KIF5C: variants seen among roughly 807,000 people sequenced by gnomAD.
The protein encoded by KIF5C is kinesin heavy chain isoform 5C.
Under a neutral mutation model 125.2 loss-of-function variants are expected in KIF5C, and 18 were observed. The ratio of observed to expected loss-of-function variants is 0.14; its 90% CI spans 0.10 to 0.21. KIF5C has a LOEUF of 0.21. KIF5C is among the 10% of genes least tolerant of loss of function. The pLI is 1.00. For missense variants in KIF5C, 780 were observed against 1,183.8 expected (o/e 0.66, Z 5.01); for synonymous variants, 405 against 434.0 (o/e 0.93, Z 0.83).
chr2:148,941,440 G>A (rs543029720), intron 4 of KIF5C, among the ~76,000 whole-genome samples, 170 bp from the exon 5 acceptor site: 2 of 152,260 alleles, frequency 1.3e-5, no homozygotes, highest in Admixed American at 1.3e-4. Context: ...TAGAGCAAGC[G>A]GGAAGTAGGG....
At chr2:148,910,209 A>G (rs1681277280) in intron 1 of KIF5C, among the ~76,000 whole-genome samples, 1 of 152,272 alleles carries the variant, frequency 6.6e-6, no homozygotes, top group Non-Finnish European at 1.5e-5. Context: ...AGGGTAAGAT[A>G]AGTTATAATG....
intron 11 of KIF5C, among the ~76,000 whole-genome samples, chr2:148,969,030 T>A (rs1680823178): frequency 6.6e-6 from 1 of 152,236 alleles, no homozygotes. Flanking sequence ...TTCTGTGTTC[T>A]CCTGAGGCTT....
chr2:148,892,706 A>G (rs778618076), intron 1 of KIF5C, among the ~76,000 whole-genome samples: 10 of 152,226 alleles, frequency 6.6e-5, no homozygotes, highest in Non-Finnish European at 1.2e-4. Context: ...ATTAATCCAC[A>G]TGGACCTGTC....
At chr2:148,900,123 A>AT (rs201793366) in intron 1 of KIF5C, among the ~76,000 whole-genome samples, 1,934 of 151,868 alleles carry the variant, frequency 0.013, 35 homozygotes, top group African/African-American at 0.043. Flanking sequence ...TGATTTTGTG[A>AT]TTTTTTTTCC....
intron 1 of KIF5C, among the ~76,000 whole-genome samples, chr2:148,892,797 T>C (rs1276250186): frequency 1.3e-5 from 2 of 152,196 alleles, no homozygotes; most frequent in African/African-American, 4.8e-5. Context: ...AATGGAGAGA[T>C]TTATGTCTGC....
chr2:148,992,802 T>C (rs1345968007), intron 16 of KIF5C, among the ~76,000 whole-genome samples: 1 of 152,248 alleles, frequency 6.6e-6, no homozygotes, highest in African/African-American at 2.4e-5. Flanking sequence ...TTGTTATTTA[T>C]AAAAAATTAA....
rs921835053 is a variant in KIF5C at position 148,994,616 on chromosome 2, T to C, written c.2023+78T>C. 3 of 1,481,844 alleles carry C rather than the reference T, an allele frequency of 2.0e-6. No individual in the cohort carries two copies. In the African/African-American group the frequency reaches 4.3e-5, roughly 21 times the overall value. The allele number at this position is 1,481,844 out of a possible 1,614,324, so 91.8% of individuals were successfully genotyped here. A position where few individuals can be genotyped will look rare whatever the true frequency, so the allele number is the denominator to read the frequency against. ...CCTCTGGTTGGCTGGAATCATGATG[T>C]TTAGTTTCGTTCAGTTAAAGCATTT... On this transcript the variant is annotated intron_variant, in intron 17 of 25. Coordinates refer to ENST00000435030, the MANE Select transcript of KIF5C (RefSeq NM_004522.3).
intron 19 of KIF5C, among the ~76,000 whole-genome samples, chr2:148,999,742 C>G (rs1390280912): frequency 6.6e-6 from 1 of 152,230 alleles, no homozygotes; most frequent in East Asian, 1.9e-4. Context: ...GGGAAGCTTC[C>G]CTGGCTTGTG....
chr2:148,928,753 A>G (rs1297953328), intron 2 of KIF5C, among the ~76,000 whole-genome samples: 1 of 152,096 alleles, frequency 6.6e-6, no homozygotes, highest in Non-Finnish European at 1.5e-5. Context: ...GGCTCTGTTT[A>G]TAGAGTGGGG....
intron 25 of KIF5C, among the ~76,000 whole-genome samples, chr2:149,014,706 CTAG>C (rs1197646820): frequency 2.0e-5 from 3 of 152,158 alleles, no homozygotes; most frequent in Non-Finnish European, 1.5e-5. Flanking sequence ...ATGTTAGCTG[CTAG>C]TATAGATGAG....
intron 12 of KIF5C, 115 bp from the exon 13 acceptor site, chr2:148,978,807 C>T: frequency 2.2e-6 from 3 of 1,344,914 alleles, no homozygotes; most frequent in Middle Eastern, 1.9e-4. Flanking sequence ...GCAGTAACAC[C>T]ACACTATTCC....
At position 148,881,681 on chromosome 2, in the gene KIF5C, A is replaced by G. The variant is rs569957996; in HGVS notation, c.126+5938A>G. On this transcript the variant is annotated intron_variant, in intron 1 of 25. Transcript: ENST00000435030. ...CTCTTCTTCCCATTCACAGTTGGAA[A>G]CCTCCCCCTACCTTTGATTTCCCTT... Among the ~76,000 whole-genome samples the G allele has an allele frequency of 9.3e-5, 14 of 151,120 alleles. 1 individual carries two copies. The East Asian group carries it at 2.7e-3, about 29-fold the overall frequency.
At position 148,965,077 on chromosome 2, in the gene KIF5C, G is replaced by A. The variant is rs928986692; in HGVS notation, c.1117+2958G>A. 2.8e-4 allele frequency among the ~76,000 whole-genome samples: 43 copies of A among 152,210 alleles called. 1 individual carries two copies. The highest frequency in any genetic ancestry group is 9.6e-4 in the African/African-American group (40 of 41,528). ...GTTTCAATGACAACTGTGTTTTCTG[G>A]CTTGCCGAGTTGGATGGAGGGTGAG... On this transcript the variant is annotated intron_variant, in intron 11 of 25. Transcript: ENST00000435030.
chr2:148,875,795 G>T (rs1272927800), intron 1 of KIF5C, 52 bp downstream of exon 1: 7 of 1,560,202 alleles, frequency 4.5e-6, no homozygotes, highest in South Asian at 2.4e-5. Context: ...GCAGCTGGGC[G>T]CCCCGACGCC....
At chr2:148,979,886 A>G (rs1257117991) in intron 13 of KIF5C, among the ~76,000 whole-genome samples, 1 of 152,218 alleles carries the variant, frequency 6.6e-6, no homozygotes, top group Admixed American at 6.5e-5. Context: ...GTATTTTACA[A>G]ACAAGAACCT....
intron 21 of KIF5C, among the ~76,000 whole-genome samples, chr2:149,002,094 T>C (rs1391860667): frequency 6.6e-6 from 1 of 152,250 alleles, no homozygotes; most frequent in African/African-American, 2.4e-5. Flanking sequence ...AATGAAGCCA[T>C]GAAATTGCTT....
chr2:148,986,101 G>A (rs992095238), intron 15 of KIF5C, among the ~76,000 whole-genome samples: 1 of 152,184 alleles, frequency 6.6e-6, no homozygotes, highest in African/African-American at 2.4e-5. Flanking sequence ...GGAAGTTGAT[G>A]CTTGCTGCTG....
At chr2:149,008,144 G>C in intron 23 of KIF5C, 77 bp downstream of exon 23, 1 of 1,461,254 alleles carries the variant, frequency 6.8e-7, no homozygotes, top group South Asian at 1.5e-5. Flanking sequence ...TGGCCACAGT[G>C]TGCGGAGAAG....
intron 23 of KIF5C, among the ~76,000 whole-genome samples, chr2:149,009,601 G>C (rs567645673): frequency 7.2e-5 from 11 of 152,204 alleles, no homozygotes; most frequent in African/African-American, 2.6e-4. Flanking sequence ...TCTTCAATCA[G>C]CAAAAAGGCG....
Sources: allele counts gnomAD v4.1 joint callset (sites outside exome capture counted in the v4.1 genomes callset), GRCh38; gene constraint gnomAD v4.1.1; transcripts MANE v1.5; gene names NCBI Gene and HGNC (gene_info 2026-07-23, HGNC 2026-07-21).